Variants in DISC1 observed in about 807,000 individuals in gnomAD.
The protein encoded by DISC1 is DISC1 scaffold protein, also known as disrupted in schizophrenia 1 protein.
In DISC1, 57 loss-of-function variants were observed where a neutral mutation model predicts 84.5. The ratio of observed to expected loss-of-function variants is 0.67; its 90% CI spans 0.55 to 0.84. DISC1 has a LOEUF of 0.84. DISC1 is among the 40% of genes least tolerant of loss of function. The pLI is 0.00. For missense variants in DISC1, 1,000 were observed against 1,057.8 expected (o/e 0.95, Z 0.76); for synonymous variants, 411 against 415.2 (o/e 0.99, Z 0.12).
chr1:232,026,670 A>T (rs763027332), intron 12 of DISC1, 118 bp downstream of exon 12: 10 of 718,124 alleles, frequency 1.4e-5, no homozygotes, highest in Non-Finnish European at 2.2e-5. Context: ...CGTTATTTAT[A>T]GCACAGAGCA....
intron 9 of DISC1, among the ~76,000 whole-genome samples, chr1:231,831,019 T>A (rs912047098): frequency 2.0e-5 from 3 of 152,142 alleles, no homozygotes; most frequent in African/African-American, 7.2e-5. Context: ...ACTGAGGAAT[T>A]ATGTCTGACA....
intron 9 of DISC1, among the ~76,000 whole-genome samples, chr1:231,840,502 C>T (rs1483818437): frequency 6.6e-6 from 1 of 152,074 alleles, no homozygotes; most frequent in Non-Finnish European, 1.5e-5. Flanking sequence ...TACACAACAA[C>T]CTGGCTGCAT....
chr1:231,732,562 G>T (rs1464142099), intron 3 of DISC1, among the ~76,000 whole-genome samples: 1 of 152,242 alleles, frequency 6.6e-6, no homozygotes, highest in African/African-American at 2.4e-5. Flanking sequence ...GAGATCCTTT[G>T]TAGACATAGC....
chr1:231,819,562 T>TA (rs779765267), intron 9 of DISC1, among the ~76,000 whole-genome samples: 27 of 152,168 alleles, frequency 1.8e-4, no homozygotes, highest in Non-Finnish European at 3.4e-4. Context: ...GCTCAGTACT[T>TA]ATCTTTTTTT....
In DISC1 at chr1:231,923,771, G is replaced by A. The variant is rs186998761; in HGVS notation, c.1982-35057G>A. On this transcript the variant is annotated intron_variant, in intron 9 of 12. Transcript: ENST00000439617. ...TGCAGAGGAGATGCTGAAAGTTAGC[G>A]CTGTGGCTTTCAAGATCCTCCTGTG... is the stretch of plus-strand genomic sequence containing the variant. Among the ~76,000 whole-genome samples the A allele has an allele frequency of 4.6e-5, 7 of 152,302 alleles. No individual in the cohort carries two copies. The East Asian group carries it at 1.2e-3, about 25-fold the overall frequency.
chr1:231,933,176 G>A (rs952830416), intron 9 of DISC1, among the ~76,000 whole-genome samples: 3 of 152,168 alleles, frequency 2.0e-5, no homozygotes, highest in African/African-American at 7.2e-5. Context: ...TTCAGAGGAG[G>A]AAATGAGGTG....
chr1:231,726,881 T>C (rs914953722), intron 3 of DISC1, among the ~76,000 whole-genome samples: 3 of 152,210 alleles, frequency 2.0e-5, no homozygotes, highest in African/African-American at 7.2e-5. Flanking sequence ...TCTTAGCCTA[T>C]GATGGACAAA....
intron 11 of DISC1, among the ~76,000 whole-genome samples, chr1:232,012,450 C>T (rs11576588): frequency 0.16 from 23,728 of 152,066 alleles, 2,343 homozygotes; most frequent in South Asian, 0.22. Context: ...CTGTGTTTTC[C>T]GGGAGCCATT....
chr1:231,888,245 G>T (rs1249855143), intron 9 of DISC1, among the ~76,000 whole-genome samples: 1 of 152,188 alleles, frequency 6.6e-6, no homozygotes, highest in Non-Finnish European at 1.5e-5. Flanking sequence ...GTCAAGAAGA[G>T]CAACTGCACG....
At chr1:231,999,767 CA>C (rs1282918611) in intron 10 of DISC1, among the ~76,000 whole-genome samples, 9 of 152,100 alleles carry the variant, frequency 5.9e-5, no homozygotes, top group Non-Finnish European at 1.0e-4. Context: ...CTAGCACCAT[CA>C]GGGACCAGTG....
At chr1:231,656,158 C>G (rs1014640709) in intron 1 of DISC1, among the ~76,000 whole-genome samples, 4 of 151,946 alleles carry the variant, frequency 2.6e-5, no homozygotes, top group Non-Finnish European at 5.9e-5. Context: ...AATTCTTTGC[C>G]TAGGCTACTA....
At chr1:231,959,641 C>T (rs2102759645) in intron 10 of DISC1, 1 of 416,388 alleles carries the variant, frequency 2.4e-6, no homozygotes, top group East Asian at 1.6e-4. Flanking sequence ...GCTGCTTTTC[C>T]ATTAAGAGAT....
intron 2 of DISC1, among the ~76,000 whole-genome samples, chr1:231,695,617 CTGTGTGTGCGTGTG>C (rs2065570098): frequency 7.3e-6 from 1 of 136,646 alleles, no homozygotes; most frequent in Non-Finnish European, 1.6e-5. Context: ...GTAGGTGTGC[CTGTGTGTGCGTGTG>C]TGTGTGTGCA....
chr1:231,930,003 C>G (rs193071783), intron 9 of DISC1, among the ~76,000 whole-genome samples: 10 of 152,264 alleles, frequency 6.6e-5, no homozygotes, highest in Admixed American at 5.9e-4. Flanking sequence ...GGGATTGACC[C>G]TGTTAGCCCT....
chr1:231,763,897 T>C (rs2075971877), intron 4 of DISC1, among the ~76,000 whole-genome samples: 1 of 152,242 alleles, frequency 6.6e-6, no homozygotes, highest in African/African-American at 2.4e-5. Context: ...TTTTTCTTTT[T>C]CTGAATGAAT....
chr1:231,971,875 A>G lies in DISC1; in HGVS notation c.2042+12987A>G, dbSNP rs546957457. 4.4e-4 allele frequency among the ~76,000 whole-genome samples: 67 copies of G among 152,352 alleles called. 1 individual carries two copies. In the South Asian group the frequency reaches 0.014, roughly 32 times the overall value. ...TCAGTTGTGCTTCTTTAAGAAAAAA[A>G]TTCCCCAGTAGAAATCATACAATGA... On this transcript the variant is annotated intron_variant, in intron 10 of 12. Transcript: ENST00000439617.
At chr1:231,720,864 T>G (rs1163401858) in intron 3 of DISC1, 2 of 1,290,942 alleles carry the variant, frequency 1.5e-6, no homozygotes, top group East Asian at 5.5e-5. Context: ...TGGAGGAAGT[T>G]GCTACCAGTC....
intron 6 of DISC1, among the ~76,000 whole-genome samples, chr1:231,782,531 A>G (rs914097607): frequency 1.3e-5 from 2 of 152,258 alleles, no homozygotes; most frequent in African/African-American, 4.8e-5. Flanking sequence ...GAAAAGAAGA[A>G]TAAACCCACA....
intron 1 of DISC1, among the ~76,000 whole-genome samples, chr1:231,684,133 T>G (rs74146709): frequency 0.017 from 2,589 of 151,976 alleles, 82 homozygotes; most frequent in African/African-American, 0.06. Context: ...TTTGAAAAAT[T>G]AATAATTAAT....
Sources: allele counts gnomAD v4.1 joint callset (sites outside exome capture counted in the v4.1 genomes callset), GRCh38; gene constraint gnomAD v4.1.1; transcripts MANE v1.5; gene names NCBI Gene and HGNC (gene_info 2026-07-23, HGNC 2026-07-21).